Variants in GOLGB1 observed in about 807,000 individuals in gnomAD.
The protein encoded by GOLGB1 is golgin B1.
Under a neutral mutation model 336.9 loss-of-function variants are expected in GOLGB1, and 174 were observed. The observed-to-expected ratio is 0.52, with a 90% CI of 0.46 to 0.59. GOLGB1 has a LOEUF of 0.59. Among genes scored for constraint, GOLGB1 ranks in the 20% least tolerant of loss-of-function variants. The pLI is 0.00. For synonymous variants in GOLGB1, 1,208 were observed against 1,289.2 expected (o/e 0.94, Z 1.35); for missense variants, 3,331 against 3,645.3 (o/e 0.91, Z 2.22).
chr3:121,741,222 A>G (rs1163383905), intron 1 of GOLGB1, among the ~76,000 whole-genome samples: 1 of 152,180 alleles, frequency 6.6e-6, no homozygotes, highest in African/African-American at 2.4e-5. Flanking sequence ...TAGAGGCAAA[A>G]CTTGAGGCAA....
intron 19 of GOLGB1, 89 bp downstream of exon 19, chr3:121,667,972 C>T: frequency 3.1e-6 from 2 of 649,634 alleles, no homozygotes; most frequent in Non-Finnish European, 5.5e-6. Flanking sequence ...CATATTAAAT[C>T]CATATAAAGG....
At chr3:121,670,692 A>G (rs939202639) in intron 17 of GOLGB1, among the ~76,000 whole-genome samples, 3 of 136,888 alleles carry the variant, frequency 2.2e-5, no homozygotes, top group African/African-American at 5.5e-5. Flanking sequence ...TCTATCTACT[A>G]TCTGATGGTG....
At chr3:121,744,295 G>A (rs1947088400) in intron 1 of GOLGB1, among the ~76,000 whole-genome samples, 1 of 151,774 alleles carries the variant, frequency 6.6e-6, no homozygotes, top group South Asian at 2.1e-4. Flanking sequence ...ACATTTCAAG[G>A]TCCCTCAGTT....
intron 14 of GOLGB1, among the ~76,000 whole-genome samples, chr3:121,690,134 C>T (rs1942274950): frequency 6.6e-6 from 1 of 152,204 alleles, no homozygotes; most frequent in African/African-American, 2.4e-5. Flanking sequence ...AAAGTCATTT[C>T]AACTTATTTA....
chr3:121,741,057 A>C (rs1411024653), intron 1 of GOLGB1, among the ~76,000 whole-genome samples: 1 of 152,162 alleles, frequency 6.6e-6, no homozygotes. Context: ...ATGAGTTACA[A>C]ATTTAAGATA....
At position 121,697,447 on chromosome 3, in the gene GOLGB1, C is replaced by T; in HGVS notation, c.3076G>A (p.Asp1026Asn). The change falls in exon 13 of 22, where the codon GAT becomes AAT. Residue 1026 changes from aspartate (D) to asparagine (N), a missense_variant. Physicochemically the swap from Asp to Asn is conservative, Grantham distance 23. Coordinates refer to ENST00000614479, the MANE Select transcript of GOLGB1 (RefSeq NM_001366282.2). ...RLEEELANLK[D>N]ESKKEIPLSE... ...AGTGGGATTTCTTTCTTAGATTCATCTTTCAAGTTGGCTAATTCTTCTTCC... is the reference window on the plus strand; with the variant it reads ...AGTGGGATTTCTTTCTTAGATTCATTTTTCAAGTTGGCTAATTCTTCTTCC... 2 of 1,611,236 alleles carry T rather than the reference C, an allele frequency of 1.2e-6. No homozygotes were observed. Among genetic ancestry groups the T allele is most frequent in the Non-Finnish European group, 1.7e-6 (2 of 1,179,450 alleles).
chr3:121,746,159 T>C (rs967507076), intron 1 of GOLGB1, among the ~76,000 whole-genome samples: 3 of 152,224 alleles, frequency 2.0e-5, no homozygotes, highest in Non-Finnish European at 4.4e-5. Context: ...CTCAAACTTA[T>C]TTCATGCTTA....
chr3:121,664,297 C>T lies in GOLGB1; in HGVS notation c.*183G>A, dbSNP rs377482968. 19 of 616,026 alleles carry T rather than the reference C, an allele frequency of 3.1e-5. No individual in the cohort carries two copies. The highest frequency in any genetic ancestry group is 2.2e-4 in the African/African-American group (12 of 54,076). 38.2% of individuals were successfully genotyped at this position (616,026 alleles called of 1,614,324 possible). A position where few individuals can be genotyped will look rare whatever the true frequency, so the allele number is the denominator to read the frequency against. ...TCAGGGCAGTAGAAGAAAGCAGACT[C>T]GCCAGTCCCTGCAGCTCCAACCTGT... On this transcript the variant is annotated 3_prime_UTR_variant, in exon 22 of 22. Coordinates refer to ENST00000614479, the MANE Select transcript of GOLGB1 (RefSeq NM_001366282.2).
At chr3:121,674,242 T>G (rs66653099) in intron 17 of GOLGB1, among the ~76,000 whole-genome samples, 34,898 of 151,962 alleles carry the variant, frequency 0.23, 4,605 homozygotes, top group Non-Finnish European at 0.3. Flanking sequence ...TGTGCTTTTT[T>G]TTTTGTTTTG....
chr3:121,699,622 A>C (rs1010155046), intron 12 of GOLGB1, among the ~76,000 whole-genome samples, 190 bp downstream of exon 12: 2 of 152,190 alleles, frequency 1.3e-5, no homozygotes, highest in African/African-American at 4.8e-5. Flanking sequence ...TAGAACAATG[A>C]ATTTTAATAT....
At position 121,691,982 on chromosome 3, in the gene GOLGB1, T is replaced by G; in HGVS notation, c.7382A>C (p.Lys2461Thr). The change falls in exon 14 of 22, where the codon AAG (lysine) becomes ACG (threonine). Residue 2461 changes from lysine to threonine, a missense_variant. By Grantham distance (78) the Lys-to-Thr change is moderately conservative. Coordinates refer to ENST00000614479, the MANE Select transcript of GOLGB1 (RefSeq NM_001366282.2). ...TTTAACAAAGGAATCCAACTGTGCC[T>G]TTTGCTGAATGTTTTCCTTTTTGAT... is the stretch of plus-strand genomic sequence containing the variant. ...KTIKKENIQQKAQLDSFVKSM... is the reference protein window; with the variant it reads ...KTIKKENIQQTAQLDSFVKSM... The G allele has an allele frequency of 6.2e-7, 1 of 1,613,914 alleles. No homozygotes were observed. Among genetic ancestry groups the G allele is most frequent in the South Asian group, 1.1e-5 (1 of 91,036 alleles).
chr3:121,716,702 A>G (rs1944808577), intron 9 of GOLGB1, 35 bp downstream of exon 9: 20 of 1,511,394 alleles, frequency 1.3e-5, no homozygotes, highest in Non-Finnish European at 1.7e-5. Context: ...CTCAGATGGT[A>G]GAGATGTGGA....
chr3:121,719,796 C>T lies in GOLGB1; in HGVS notation c.649-28G>A, dbSNP rs749812242. 6.3e-5 allele frequency: 99 copies of T among 1,568,448 alleles called. 1 individual carries two copies. In the South Asian group the frequency reaches 1.2e-3, roughly 18 times the overall value. Reference sequence around the variant, plus strand: ...GAAGACACATACCAGAGAAACTATGCAAGTTACACTCCCCGAATATTGCAC... The same window carrying T: ...GAAGACACATACCAGAGAAACTATGTAAGTTACACTCCCCGAATATTGCAC... On this transcript the variant is annotated intron_variant, in intron 6 of 21. Coordinates refer to ENST00000614479, the MANE Select transcript of GOLGB1 (RefSeq NM_001366282.2).
At chr3:121,735,887 G>A (rs983354965) in intron 1 of GOLGB1, among the ~76,000 whole-genome samples, 1 of 152,064 alleles carries the variant, frequency 6.6e-6, no homozygotes, top group Admixed American at 6.6e-5. Context: ...AAAGGAACTA[G>A]GGCTCCTTGG....
At chr3:121,725,474 G>A (rs1945516807) in intron 5 of GOLGB1, among the ~76,000 whole-genome samples, 1 of 152,182 alleles carries the variant, frequency 6.6e-6, no homozygotes. Context: ...ATGAGAATGT[G>A]AACCCTATGC....
At chr3:121,738,108 A>C (rs777833872) in intron 1 of GOLGB1, among the ~76,000 whole-genome samples, 1 of 152,218 alleles carries the variant, frequency 6.6e-6, no homozygotes, top group African/African-American at 2.4e-5. Context: ...TTCTTTGGTT[A>C]ACTTTTAATG....
rs1269078049 is a variant in GOLGB1 at position 121,694,068 on chromosome 3, G to T, written c.6455C>A (p.Ala2152Asp). 4.3e-6 allele frequency: 7 copies of T among 1,613,882 alleles called. No individual in the cohort carries two copies. The highest frequency in any genetic ancestry group is 5.9e-6 in the Non-Finnish European group (7 of 1,179,848). The change falls in exon 13 of 22, where the codon GCT becomes GAT. Residue 2152 changes from alanine to aspartate, a missense_variant. Physicochemically the swap from Ala to Asp is moderately radical, Grantham distance 126. Coordinates refer to ENST00000614479, the MANE Select transcript of GOLGB1 (RefSeq NM_001366282.2). ...CAAGTGGACTTTTTCTCTGCGCAAA[G>T]CATCCAGTTTCTCTTGCATATTCTT... ...EKKNMQEKLD[A>D]LRREKVHLEE... is the part of the protein sequence containing the mutation.
At chr3:121,738,609 G>A (rs190504955) in intron 1 of GOLGB1, among the ~76,000 whole-genome samples, 1 of 152,130 alleles carries the variant, frequency 6.6e-6, no homozygotes, top group Non-Finnish European at 1.5e-5. Flanking sequence ...ATACAAGGAG[G>A]GGTCTTCCCA....
rs115324507 is a variant in GOLGB1, at chr3:121,721,505, T to C, written c.648+757A>G. 3.3e-3 allele frequency among the ~76,000 whole-genome samples: 507 copies of C among 152,238 alleles called. 2 individuals carry two copies. The highest frequency in any genetic ancestry group is 0.012 in the African/African-American group (490 of 41,550). Reference sequence around the variant, plus strand: ...TTAGCCAGATGCAGTGGCACATGCCTGTAGTCCCAGCTACTTGGGAAGCTG... The same window carrying C: ...TTAGCCAGATGCAGTGGCACATGCCCGTAGTCCCAGCTACTTGGGAAGCTG... On this transcript the variant is annotated intron_variant, in intron 6 of 21. Coordinates refer to ENST00000614479, the MANE Select transcript of GOLGB1 (RefSeq NM_001366282.2).
Sources: allele counts gnomAD v4.1 joint callset (sites outside exome capture counted in the v4.1 genomes callset), GRCh38; gene constraint gnomAD v4.1.1; transcripts MANE v1.5; gene names NCBI Gene and HGNC (gene_info 2026-07-23, HGNC 2026-07-21).